CNTN5: variants seen among roughly 807,000 people sequenced by gnomAD.
CNTN5 encodes contactin-5.
CNTN5 carries 77 observed loss-of-function variants against 129.1 expected under a neutral mutation model. The ratio of observed to expected loss-of-function variants is 0.60; its 90% confidence interval spans 0.50 to 0.72. CNTN5 has a LOEUF of 0.72. Among genes scored for constraint, CNTN5 ranks in the 30% least tolerant of loss-of-function variants. The probability of loss-of-function intolerance (pLI) is 0.00; values close to 1 mark genes in which losing one functional copy is unlikely to be tolerated. For synonymous variants in CNTN5, 509 were observed against 465.6 expected (o/e 1.09, Z -1.20); for missense variants, 1,478 against 1,328.8 (o/e 1.11, Z -1.75).
chr11:99,924,713 AAT>A (rs1174712699), intron 7 of CNTN5, among the ~76,000 whole-genome samples: 2 of 152,028 alleles, frequency 1.3e-5, no homozygotes, highest in African/African-American at 4.8e-5. Context: ...TATTTTTATT[AAT>A]ATGTTTTTAA....
chr11:99,723,789 C>T (rs560053990), intron 3 of CNTN5, among the ~76,000 whole-genome samples: 92 of 143,516 alleles, frequency 6.4e-4, no homozygotes, highest in African/African-American at 2.1e-3. Context: ...TGTGCATGCG[C>T]ACGCGTGTGT....
intron 3 of CNTN5, among the ~76,000 whole-genome samples, chr11:99,585,172 GT>G (rs2135639982): frequency 1.3e-5 from 2 of 152,320 alleles, no homozygotes; most frequent in East Asian, 3.9e-4. Context: ...TAATTTTACA[GT>G]ATGAAAAGTT....
In CNTN5 at chr11:99,907,160, C is replaced by T. The variant is rs1949531468; in HGVS notation, c.578-8894C>T. On this transcript the variant is annotated intron_variant, in intron 6 of 24. Transcript: ENST00000524871. Reference sequence around the variant, plus strand: ...GATGTTAGTTATTTCTTGTCTTCTGCTAGCTTTTGAATTTGTTTGCTTTTG... The same window carrying T: ...GATGTTAGTTATTTCTTGTCTTCTGTTAGCTTTTGAATTTGTTTGCTTTTG... 2.0e-5 allele frequency among the ~76,000 whole-genome samples: 3 copies of T among 152,048 alleles called. 1 individual carries two copies. The South Asian group carries it at 6.2e-4, about 32-fold the overall frequency.
intron 13 of CNTN5, among the ~76,000 whole-genome samples, chr11:100,122,782 C>T (rs536930004): frequency 6.6e-5 from 10 of 151,930 alleles, no homozygotes; most frequent in Non-Finnish European, 4.4e-5. Context: ...GGAAAACTTA[C>T]AGGTTAGGCT....
intron 3 of CNTN5, among the ~76,000 whole-genome samples, chr11:99,647,259 G>T (rs10790869): frequency 0.32 from 49,272 of 151,814 alleles, 8,104 homozygotes; most frequent in South Asian, 0.43. Context: ...TCTTCATTTG[G>T]ATATCCAATT....
At chr11:99,025,482 A>C (rs921781147) in intron 1 of CNTN5, among the ~76,000 whole-genome samples, 3 of 151,798 alleles carry the variant, frequency 2.0e-5, no homozygotes, top group African/African-American at 7.2e-5. Context: ...AGAAAGGAGA[A>C]CATCTCATCT....
intron 3 of CNTN5, among the ~76,000 whole-genome samples, chr11:99,762,547 C>G (rs1056877078): frequency 1.2e-4 from 18 of 151,834 alleles, no homozygotes; most frequent in East Asian, 2.0e-4. Flanking sequence ...GCTTGTTTTT[C>G]TCAGGTTTGT....
intron 1 of CNTN5, among the ~76,000 whole-genome samples, chr11:99,149,846 T>C (rs1160582181): frequency 6.6e-6 from 1 of 152,070 alleles, no homozygotes; most frequent in Non-Finnish European, 1.5e-5. Context: ...TAAGTAATAG[T>C]AAATATTACC....
intron 1 of CNTN5, among the ~76,000 whole-genome samples, chr11:99,253,058 A>C (rs112325750): frequency 6.6e-6 from 1 of 151,906 alleles, no homozygotes; most frequent in Admixed American, 6.6e-5. Flanking sequence ...TCCCCACTCA[A>C]ATCTCACCTT....
chr11:99,699,416 C>T lies in CNTN5; in HGVS notation c.56-120128C>T, dbSNP rs184661822. On this transcript the variant is annotated intron_variant, in intron 3 of 24. Transcript: ENST00000524871. ...TACAGTAAAATAACTTTCTTTATAACACACATATCTCAAATTTCTCTTCAA... is the reference window on the plus strand; with the variant it reads ...TACAGTAAAATAACTTTCTTTATAATACACATATCTCAAATTTCTCTTCAA... Among the ~76,000 whole-genome samples the T allele has an allele frequency of 2.2e-4, 34 of 151,502 alleles. 1 individual carries two copies. Among genetic ancestry groups the T allele is most frequent in the Admixed American group, 2.2e-3 (33 of 15,178 alleles).
chr11:99,968,590 C>T (rs910596005), intron 8 of CNTN5, among the ~76,000 whole-genome samples: 1 of 149,328 alleles, frequency 6.7e-6, no homozygotes, highest in African/African-American at 2.5e-5. Context: ...TGTAGCAAAG[C>T]CACTGTTATT....
In CNTN5 at chr11:100,344,726, A is replaced by G. The variant is rs566642148; in HGVS notation, c.3030+3521A>G. On this transcript the variant is annotated intron_variant, in intron 23 of 24. Transcript: ENST00000524871. The stretch of plus-strand genomic sequence containing the variant: ...CTGATTTGATCTTTACACATCATAC[A>G]CATGTATCAAATTATCATATTACCC... Among the ~76,000 whole-genome samples the G allele has an allele frequency of 1.3e-3, 205 of 152,284 alleles. 5 individuals are homozygous for G. The South Asian group carries it at 0.041, about 31-fold the overall frequency.
chr11:99,462,360 C>CTTTTTT (rs72276833), intron 2 of CNTN5, among the ~76,000 whole-genome samples: 21 of 125,234 alleles, frequency 1.7e-4, no homozygotes, highest in East Asian at 8.9e-4. Context: ...CTTTTCTTTT[C>CTTTTTT]TTTTTTTTTT....
intron 1 of CNTN5, among the ~76,000 whole-genome samples, chr11:99,236,340 A>T (rs1208982043): frequency 6.6e-6 from 1 of 152,140 alleles, no homozygotes; most frequent in African/African-American, 2.4e-5. Context: ...AAGTTTTATC[A>T]GATGAAATGC....
chr11:100,116,704 T>C (rs930308997), intron 13 of CNTN5, among the ~76,000 whole-genome samples: 3 of 152,022 alleles, frequency 2.0e-5, no homozygotes, highest in Non-Finnish European at 4.4e-5. Flanking sequence ...TTCCTCTTAA[T>C]CTATTATTCT....
Position 99,108,772 on chromosome 11 carries a change from T to C in CNTN5, c.-210+87502T>C, listed in dbSNP as rs554465949. Among the ~76,000 whole-genome samples, 9 of 152,146 alleles carry C rather than the reference T, an allele frequency of 5.9e-5. No homozygotes were observed. The East Asian group carries it at 1.4e-3, about 23-fold the overall frequency. ...ATAGAAAAGGAAAAAATCAGAAATA[T>C]AGATTTTGTGTTGAATTAATGGGAA... On this transcript the variant is annotated intron_variant, in intron 1 of 24. Coordinates refer to ENST00000524871, the MANE Select transcript of CNTN5 (RefSeq NM_014361.4).
At chr11:100,096,515 G>GGT (rs1356567123) in intron 13 of CNTN5, among the ~76,000 whole-genome samples, 2 of 151,920 alleles carry the variant, frequency 1.3e-5, no homozygotes, top group African/African-American at 4.8e-5. Context: ...TCCCACCTGG[G>GGT]AGCTCCATCA....
chr11:99,773,967 A>T (rs1591144355), intron 3 of CNTN5, among the ~76,000 whole-genome samples: 1 of 152,226 alleles, frequency 6.6e-6, no homozygotes, highest in Admixed American at 6.6e-5. Flanking sequence ...CCTGCTGAAT[A>T]CAATTTTCAC....
intron 1 of CNTN5, among the ~76,000 whole-genome samples, chr11:99,062,384 A>C (rs752758899): frequency 1.3e-5 from 2 of 152,116 alleles, no homozygotes; most frequent in African/African-American, 4.8e-5. Flanking sequence ...AAGCATTTCT[A>C]TGTATCAGCA....
Sources: allele counts gnomAD v4.1 joint callset (sites outside exome capture counted in the v4.1 genomes callset), GRCh38; gene constraint gnomAD v4.1.1; transcripts MANE v1.5; gene names NCBI Gene and HGNC (gene_info 2026-07-23, HGNC 2026-07-21).